LRRC37A2: variants seen among roughly 807,000 people sequenced by gnomAD.
LRRC37A2 encodes the protein leucine-rich repeat-containing protein 37A2.
A neutral mutation model predicts 68.8 loss-of-function variants in LRRC37A2; 9 were observed. That is an observed-to-expected ratio of 0.13 (90% CI 0.08 to 0.23). The LOEUF (loss-of-function observed/expected upper bound fraction) is 0.23. LRRC37A2 is among the 10% of genes least tolerant of loss of function. LRRC37A2 has a pLI of 1.00. For missense variants in LRRC37A2, 168 were observed against 950.4 expected (o/e 0.18, Z 10.82); for synonymous variants, 63 against 367.6 (o/e 0.17, Z 9.48).
At chr17:46,545,338 C>G (rs1387844733) in intron 8 of LRRC37A2, among the ~76,000 whole-genome samples, 1 of 141,990 alleles carries the variant, frequency 7.0e-6, no homozygotes, top group African/African-American at 2.8e-5. Context: ...ATACTCCCAG[C>G]TACTCAGGAG....
At chr17:47,021,932 T>C in the LRRC37A2 span, 1 of 1,512,230 alleles carries the variant, frequency 6.6e-7, no homozygotes, top group Non-Finnish European at 9.2e-7. Context: ...GTGAGTATAT[T>C]CTCTCCAAAT....
chr17:46,392,409 TTCTCTCTCTC>T, the LRRC37A2 span, among the ~76,000 whole-genome samples: 2 of 49,444 alleles, frequency 4.0e-5, no homozygotes, highest in Non-Finnish European at 1.0e-4. Flanking sequence ...CTTTCTTTCT[TTCTCTCTCTC>T]TCTTTCTTTC....
At chr17:46,865,559 AG>A in the LRRC37A2 span, among the ~76,000 whole-genome samples, 1 of 152,112 alleles carries the variant, frequency 6.6e-6, no homozygotes, top group South Asian at 2.1e-4. Context: ...GCCAGACAGG[AG>A]GAACGAGTGG....
chr17:46,820,563 T>G, the LRRC37A2 span, among the ~76,000 whole-genome samples: 1 of 152,168 alleles, frequency 6.6e-6, no homozygotes, highest in South Asian at 2.1e-4. Context: ...TGGTGGGGGC[T>G]GCAGAGATGG....
chr17:46,903,206 G>A, the LRRC37A2 span, among the ~76,000 whole-genome samples: 3 of 152,034 alleles, frequency 2.0e-5, no homozygotes, highest in South Asian at 2.1e-4. Flanking sequence ...GCTTGAACCC[G>A]GGAGGTGGAG....
At chr17:46,748,328 C>T in the LRRC37A2 span, among the ~76,000 whole-genome samples, 1 of 152,256 alleles carries the variant, frequency 6.6e-6, no homozygotes, top group South Asian at 2.1e-4. Flanking sequence ...TCAGGCTGGT[C>T]TCAAACTCCT....
the LRRC37A2 span, among the ~76,000 whole-genome samples, chr17:46,866,432 G>A: frequency 2.3e-4 from 35 of 152,016 alleles, no homozygotes; most frequent in Non-Finnish European, 4.1e-4. Flanking sequence ...GAGTATAGGT[G>A]TGTATGAATG....
At chr17:46,817,765 A>C in the LRRC37A2 span, among the ~76,000 whole-genome samples, 1 of 152,176 alleles carries the variant, frequency 6.6e-6, no homozygotes, top group East Asian at 1.9e-4. Context: ...AAAAGGAAGA[A>C]ATGTGACATG....
At chr17:47,043,201 AAG>A in the LRRC37A2 span, among the ~76,000 whole-genome samples, 2 of 151,962 alleles carry the variant, frequency 1.3e-5, no homozygotes, top group African/African-American at 4.8e-5. Flanking sequence ...AAGAATTAAA[AAG>A]AAAATCGATT....
chr17:46,762,759 T>C, the LRRC37A2 span: 1 of 152,120 alleles, frequency 6.6e-6, no homozygotes, highest in Non-Finnish European at 1.5e-5. Flanking sequence ...TGGATACTAT[T>C]ACCTGACTAC....
the LRRC37A2 span, chr17:47,028,465 G>A: frequency 7.6e-5 from 59 of 772,000 alleles, no homozygotes; most frequent in Middle Eastern, 3.8e-4. Context: ...TCTGAAAAGC[G>A]TGTCTTAAGA....
At chr17:46,765,507 C>T in the LRRC37A2 span, among the ~76,000 whole-genome samples, 4 of 151,660 alleles carry the variant, frequency 2.6e-5, no homozygotes, top group Admixed American at 1.3e-4. Flanking sequence ...CTCTCCTCAC[C>T]GTGTGGAGGG....
At chr17:46,924,589 G>A in the LRRC37A2 span, 4 of 152,174 alleles carry the variant, frequency 2.6e-5, no homozygotes, top group Admixed American at 2.6e-4. Flanking sequence ...GAATAAGAGG[G>A]TGATGATCCT....
the LRRC37A2 span, among the ~76,000 whole-genome samples, chr17:46,802,823 G>A: frequency 3.3e-5 from 5 of 152,194 alleles, no homozygotes; most frequent in Non-Finnish European, 7.3e-5. Flanking sequence ...CTCGCCCTAT[G>A]CACCTCTTCA....
the LRRC37A2 span, chr17:46,940,286 C>T: frequency 1.4e-6 from 2 of 1,436,766 alleles, no homozygotes; most frequent in Non-Finnish European, 1.8e-6. Flanking sequence ...TCCTACCCCT[C>T]CGGGCCAAAT....
chr17:46,923,564 G>C, the LRRC37A2 span: 3 of 1,318,134 alleles, frequency 2.3e-6, no homozygotes, highest in African/African-American at 3.0e-5. Flanking sequence ...GGTAGACCTC[G>C]AGAGGAGACA....
At chr17:46,831,896 G>A in the LRRC37A2 span, among the ~76,000 whole-genome samples, 12 of 152,362 alleles carry the variant, frequency 7.9e-5, no homozygotes, top group Admixed American at 7.2e-4. Flanking sequence ...TGATCCCTGA[G>A]GCCAACACCC....
the LRRC37A2 span, among the ~76,000 whole-genome samples, chr17:46,994,380 C>T: frequency 7.5e-6 from 1 of 133,118 alleles, no homozygotes. Flanking sequence ...AGTGAAACTC[C>T]ATCTCAAAAA....
At chr17:46,716,959 A>C in the LRRC37A2 span, among the ~76,000 whole-genome samples, 1 of 152,230 alleles carries the variant, frequency 6.6e-6, no homozygotes. Context: ...ATATCTGAAC[A>C]ATCCCTTTTT....
Sources: gnomAD v4.1 joint callset for allele counts (sites outside exome capture counted in the v4.1 genomes callset) on GRCh38, gnomAD v4.1.1 for gene constraint, MANE v1.5 for transcripts, NCBI Gene and HGNC (gene_info 2026-07-23, HGNC 2026-07-21) for gene names.